CAMKK2: variants seen among roughly 807,000 people sequenced by gnomAD.
CAMKK2 encodes the protein calcium/calmodulin-dependent protein kinase kinase 2.
A neutral mutation model predicts 67.2 loss-of-function variants in CAMKK2; 30 were observed. The observed-to-expected ratio is 0.45, with a 90% CI of 0.33 to 0.61. CAMKK2 has a LOEUF of 0.61. CAMKK2 is among the 20% of genes least tolerant of loss of function. CAMKK2 has a pLI of 0.02. For missense variants in CAMKK2, 643 were observed against 802.0 expected, an observed-to-expected ratio of 0.80 and a Z score of 2.39; for synonymous variants, 322 against 326.2, an observed-to-expected ratio of 0.99 and a Z score of 0.14.
Position 121,249,783 on chromosome 12 carries a change from G to A in CAMKK2, c.1323+4C>T. ...GCACGGGGCACAGGCTGAGCCAAGG[G>A]TACCTTGATTTCCGGCACCACGATC... On this transcript the variant is annotated splice_donor_region_variant and intron_variant, in intron 13 of 16. Transcript: ENST00000404169. The A allele has an allele frequency of 3.7e-6, 6 of 1,613,660 alleles. No homozygotes were observed. Among genetic ancestry groups the A allele is most frequent in the Non-Finnish European group, 4.2e-6 (5 of 1,179,560 alleles).
At chr12:121,241,411 C>G (rs1888351507) in intron 16 of CAMKK2, among the ~76,000 whole-genome samples, 1 of 152,190 alleles carries the variant, frequency 6.6e-6, no homozygotes, top group African/African-American at 2.4e-5. Context: ...CCTCAGCCCT[C>G]CTGCAGCCAG....
rs2686340 is a variant in CAMKK2 at position 121,244,248 on chromosome 12, T to A, written c.1596+325A>T. 42 of 1,013,094 alleles carry A rather than the reference T, an allele frequency of 4.1e-5. No individual in the cohort carries two copies. The African/African-American group carries it at 6.2e-4, about 15-fold the overall frequency. The allele number at this position is 1,013,094 out of a possible 1,614,324, so 62.8% of individuals were successfully genotyped here. ...GACTCGGGGGGGCACCCATGGGCCC[T>A]GTGACAGAGCTTCAACACCATTGAC... On this transcript the variant is annotated intron_variant, in intron 16 of 16. Coordinates refer to ENST00000404169, the MANE Select transcript of CAMKK2 (RefSeq NM_001270485.2).
At chr12:121,277,257 C>A (rs965052142) in intron 1 of CAMKK2, among the ~76,000 whole-genome samples, 1 of 152,204 alleles carries the variant, frequency 6.6e-6, no homozygotes, top group African/African-American at 2.4e-5. Context: ...AGAGTCCAAT[C>A]ATGCGGCAAG....
chr12:121,260,567 G>A (rs1386883560), intron 6 of CAMKK2: 1 of 579,540 alleles, frequency 1.7e-6, no homozygotes, highest in African/African-American at 1.9e-5. Context: ...ATGCCTCTCT[G>A]TCTGATCCTC....
At chr12:121,268,610 C>A in intron 5 of CAMKK2, 28 bp downstream of exon 5, 1 of 1,611,694 alleles carries the variant, frequency 6.2e-7, no homozygotes, top group Non-Finnish European at 8.5e-7. Flanking sequence ...AGCCCCTGTA[C>A]CTAACAACAA....
In CAMKK2 at chr12:121,274,443, G is replaced by A. The variant is rs146079022; in HGVS notation, c.84C>T (p.Ser28=). Residue 28 remains serine, a synonymous_variant, in exon 2 of 17, where the codon AGC becomes AGT. Transcript: ENST00000404169. ...GGGCCTCACAGGGCTTCTGGCTTTC[G>A]CTGCTGCTGCTGCCCCTGCCCCCCA... ...DELGGRGSSS[S]ESQKPCEALR... 5.8e-5 allele frequency: 94 copies of A among 1,612,248 alleles called. No individual in the cohort carries two copies. The highest frequency in any genetic ancestry group is 1.6e-4 in the Middle Eastern group (1 of 6,082).
chr12:121,281,488 G>A (rs1390215710), intron 1 of CAMKK2, among the ~76,000 whole-genome samples: 1 of 152,254 alleles, frequency 6.6e-6, no homozygotes, highest in Non-Finnish European at 1.5e-5. Flanking sequence ...TGGGGAAACT[G>A]AGGCCCACAG....
In CAMKK2 at chr12:121,239,142, G is replaced by A. The variant is rs1452728286; in HGVS notation, c.*1557C>T. On this transcript the variant is annotated 3_prime_UTR_variant, in exon 17 of 17. Transcript: ENST00000404169. ...GGGCTGGGCAGGGGCACGAGGCCTTGCCTTTGTCTGAGAAGTCCTCACACC... is the reference window on the plus strand; with the variant it reads ...GGGCTGGGCAGGGGCACGAGGCCTTACCTTTGTCTGAGAAGTCCTCACACC... The A allele has an allele frequency of 6.6e-6, 1 of 152,288 alleles. No homozygotes were observed. The highest frequency in any genetic ancestry group is 1.5e-5 in the Non-Finnish European group (1 of 68,078). 9.4% of individuals were successfully genotyped at this position (152,288 alleles called of 1,614,324 possible).
chr12:121,266,302 G>A (rs1894513830), intron 5 of CAMKK2, among the ~76,000 whole-genome samples: 4 of 152,142 alleles, frequency 2.6e-5, no homozygotes, highest in African/African-American at 4.8e-5. Context: ...CCAGTCTCTC[G>A]TACGTTGTTA....
At chr12:121,254,798 A>C (rs1891520982) in intron 9 of CAMKK2, among the ~76,000 whole-genome samples, 1 of 152,168 alleles carries the variant, frequency 6.6e-6, no homozygotes, top group Non-Finnish European at 1.5e-5. Flanking sequence ...GCTGGCCCTG[A>C]TTCTGCATTT....
intron 6 of CAMKK2, among the ~76,000 whole-genome samples, chr12:121,261,981 T>C (rs1439172215): frequency 1.3e-5 from 2 of 152,224 alleles, no homozygotes; most frequent in South Asian, 2.1e-4. Context: ...AGATGCTTCA[T>C]GGAGTTTACA....
intron 1 of CAMKK2, among the ~76,000 whole-genome samples, chr12:121,291,440 G>A (rs74957279): frequency 0.038 from 5,808 of 152,278 alleles, 402 homozygotes; most frequent in African/African-American, 0.13. Flanking sequence ...GTACTGGGCC[G>A]CAGAAGCGAA....
chr12:121,268,099 T>TATATATATATAC (rs755449965), intron 5 of CAMKK2, among the ~76,000 whole-genome samples: 7 of 143,482 alleles, frequency 4.9e-5, no homozygotes, highest in Non-Finnish European at 9.3e-5. Context: ...TATATATATA[T>TATATATATATAC]ACTCTATTCA....
chr12:121,258,623 C>T (rs937511836), intron 7 of CAMKK2, among the ~76,000 whole-genome samples: 8 of 152,128 alleles, frequency 5.3e-5, no homozygotes, highest in Non-Finnish European at 7.3e-5. Flanking sequence ...TAAAATATAA[C>T]CGTGTCAGGA....
At chr12:121,260,826 C>T (rs1893301586) in intron 6 of CAMKK2, among the ~76,000 whole-genome samples, 1 of 151,786 alleles carries the variant, frequency 6.6e-6, no homozygotes, top group Admixed American at 6.6e-5. Context: ...GTGGTGCATG[C>T]CTGAGTAATC....
intron 16 of CAMKK2, chr12:121,243,884 T>C (rs1063843): frequency 0.79 from 1,088,044 of 1,369,156 alleles, 433,287 homozygotes; most frequent in African/African-American, 0.81. Flanking sequence ...CAGGTAGCCA[T>C]GATGTGCTCA....
At chr12:121,255,889 A>G in intron 7 of CAMKK2, 85 bp from the exon 8 acceptor site, 1 of 1,230,012 alleles carries the variant, frequency 8.1e-7, no homozygotes, top group Non-Finnish European at 1.2e-6. Flanking sequence ...AACCACCTCC[A>G]GAAACACCAA....
intron 7 of CAMKK2, among the ~76,000 whole-genome samples, chr12:121,256,377 A>C (rs572914213): frequency 1.6e-4 from 24 of 146,090 alleles, no homozygotes; most frequent in African/African-American, 5.8e-4. Flanking sequence ...AGAATGTCCC[A>C]AAAAAAAAAT....
Position 121,274,271 on chromosome 12 carries a change from A to G in CAMKK2, c.256T>C (p.Ser86Pro), listed in dbSNP as rs1314165045. The G allele has an allele frequency of 6.2e-7, 1 of 1,611,998 alleles. No homozygotes were observed. Among genetic ancestry groups the G allele is most frequent in the South Asian group, 1.1e-5 (1 of 91,030 alleles). Residue 86 changes from serine (S) to proline (P), a missense_variant, in exon 2 of 17, where the codon TCC (serine) becomes CCC (proline). Transcript: ENST00000404169. ...AGGTGGGGCCGGGCCTGGGACCCGG[A>G]GGTGTCAAGGGGGACCTCTTGGCCA... is the stretch of plus-strand genomic sequence containing the variant. Reference protein sequence around the residue: ...ADGQEVPLDTSGSQARPHLSG... With the variant: ...ADGQEVPLDTPGSQARPHLSG...
Sources: gnomAD v4.1 joint callset for allele counts (sites outside exome capture counted in the v4.1 genomes callset) on GRCh38, gnomAD v4.1.1 for gene constraint, MANE v1.5 for transcripts, NCBI Gene and HGNC (gene_info 2026-07-23, HGNC 2026-07-21) for gene names.